The following SAPCD2 variants were observed in gnomAD, a reference collection of about 807,000 sequenced individuals.
SAPCD2 encodes the protein suppressor APC domain containing 2, also known as suppressor APC domain-containing protein 2.
Under a neutral mutation model 37.8 loss-of-function variants are expected in SAPCD2, and 34 were observed. That is an observed-to-expected ratio of 0.90 (90% CI 0.68 to 1.20). The LOEUF is 1.20. Among genes scored for constraint, SAPCD2 ranks in the 50% most tolerant of loss-of-function variants. The probability of loss-of-function intolerance (pLI) is 0.00; values close to 1 mark genes in which losing one functional copy is unlikely to be tolerated. For missense variants in SAPCD2, 572 were observed against 584.7 expected (o/e 0.98, Z 0.22); for synonymous variants, 275 against 270.3 (o/e 1.02, Z -0.17).
At position 137,063,901 on chromosome 9, in the gene SAPCD2, G is replaced by A. The variant is rs968746243; in HGVS notation, c.*758C>T. 3.3e-5 allele frequency: 5 copies of A among 152,856 alleles called. No homozygotes were observed. Among genetic ancestry groups the A allele is most frequent in the African/African-American group, 9.6e-5 (4 of 41,572 alleles). 9.5% of individuals were successfully genotyped at this position (152,856 alleles called of 1,614,324 possible). The stretch of plus-strand genomic sequence containing the variant: ...CCTATGACGTGCCTGGGAGCTGTCT[G>A]GGGGCCCTCCTGGGGAGCCAGGCTC... On this transcript the variant is annotated 3_prime_UTR_variant, in exon 6 of 6. Coordinates refer to ENST00000409687, the MANE Select transcript of SAPCD2 (RefSeq NM_178448.4).
At chr9:137,065,408 TG>T in intron 3 of SAPCD2, 113 bp downstream of exon 3, 1 of 1,299,132 alleles carries the variant, frequency 7.7e-7, no homozygotes, top group Non-Finnish European at 1.0e-6. Context: ...GCATCCTGGG[TG>T]GAATCGACAG....
At position 137,066,206 on chromosome 9, in the gene SAPCD2, G is replaced by A. The variant is rs550364664; in HGVS notation, c.684+56C>T. ...CTCAAGGCCCCCCTGCTCCCATCCC[G>A]GCCTCCAGCCTCCAGGCAAGATGGA... On this transcript the variant is annotated intron_variant, in intron 2 of 5. Transcript: ENST00000409687. 188 of 1,400,548 alleles carry A rather than the reference G, an allele frequency of 1.3e-4. No individual in the cohort carries two copies. The African/African-American group carries it at 1.6e-3, about 12-fold the overall frequency. The allele number at this position is 1,400,548 out of a possible 1,614,324, so 86.8% of individuals were successfully genotyped here.
At chr9:137,066,785 G>C (rs1221855026) in intron 1 of SAPCD2, among the ~76,000 whole-genome samples, 2 of 152,194 alleles carry the variant, frequency 1.3e-5, no homozygotes, top group South Asian at 4.1e-4. Context: ...TCTGCACGGG[G>C]TCCTGCAAGG....
At position 137,070,342 on chromosome 9, in the gene SAPCD2, TC is replaced by T; in HGVS notation, c.118del (p.Asp40ThrfsTer43). On this transcript the variant is annotated frameshift_variant, in exon 1 of 6. Coordinates refer to ENST00000409687, the MANE Select transcript of SAPCD2 (RefSeq NM_178448.4). LOFTEE classifies it high-confidence loss of function. The part of the protein sequence containing the change: ...QSLRTLFDIL[D>X]DRRRGCVHLR... ...GTGCACGCAGCCGCGCCGCCGGTCG[TC>T]CAGGATGTCGAACAGGGTGCGCAGG... 1 of 1,472,054 alleles carries T rather than the reference TC, an allele frequency of 6.8e-7. No individual in the cohort carries two copies. Among genetic ancestry groups the T allele is most frequent in the Non-Finnish European group, 9.0e-7 (1 of 1,113,848 alleles). 91.2% of individuals were successfully genotyped at this position (1,472,054 alleles called of 1,614,324 possible).
chr9:137,064,976 G>T lies in SAPCD2; in HGVS notation c.943C>A (p.Leu315Met). The change falls in exon 5 of 6, where the codon CTG becomes ATG. Residue 315 changes from leucine to methionine, a missense_variant. Transcript: ENST00000409687. ...LLAAACASRA[L>M]PPSSSGPPCP... ...GGGGGCCCGGAGGAGGACGGGGGCA[G>T]GGCCTGCGGGAGGGCAGGATTAGGC... 2 of 1,514,750 alleles carry T rather than the reference G, an allele frequency of 1.3e-6. No individual in the cohort carries two copies. The highest frequency in any genetic ancestry group is 1.8e-6 in the Non-Finnish European group (2 of 1,118,094). The allele number at this position is 1,514,750 out of a possible 1,614,324, so 93.8% of individuals were successfully genotyped here.
At chr9:137,067,706 G>A (rs1000077145) in intron 1 of SAPCD2, among the ~76,000 whole-genome samples, 5 of 145,920 alleles carry the variant, frequency 3.4e-5, no homozygotes, top group Non-Finnish European at 6.0e-5. Context: ...CCCAGGAGGC[G>A]GAGGTTGCAG....
At chr9:137,066,779 C>T (rs569749695) in intron 1 of SAPCD2, among the ~76,000 whole-genome samples, 1 of 152,300 alleles carries the variant, frequency 6.6e-6, no homozygotes, top group Non-Finnish European at 1.5e-5. Context: ...CTCCCATCTG[C>T]ACGGGGTCCT....
intron 1 of SAPCD2, among the ~76,000 whole-genome samples, chr9:137,067,001 T>C (rs1832555021): frequency 6.6e-6 from 1 of 152,054 alleles, no homozygotes; most frequent in Non-Finnish European, 1.5e-5. Context: ...TTCCTTTTTT[T>C]CTTGAGACGT....
chr9:137,065,433 G>A, intron 3 of SAPCD2, 89 bp downstream of exon 3: 1 of 1,429,840 alleles, frequency 7.0e-7, no homozygotes. Flanking sequence ...CTGTGTCCGG[G>A]AATAGGGGCA....
chr9:137,066,330 G>C lies in SAPCD2; in HGVS notation c.616C>G (p.Arg206Gly). 6.2e-7 allele frequency: 1 copy of C among 1,609,974 alleles called. No individual in the cohort carries two copies. The highest frequency in any genetic ancestry group is 1.1e-5 in the South Asian group (1 of 90,540). ...RALEADSGDA[R>G]RAPRARGERR... Reference sequence around the variant, plus strand: ...TCCCCTCGGGCACGGGGAGCCCGCCGGGCATCCCCTGAGTCCGCCTCCAGG... The same window carrying C: ...TCCCCTCGGGCACGGGGAGCCCGCCCGGCATCCCCTGAGTCCGCCTCCAGG... Residue 206 changes from arginine to glycine, a missense_variant, in exon 2 of 6, where the codon CGG (arginine) becomes GGG (glycine). Physicochemically the swap from Arg to Gly is moderately radical, Grantham distance 125. Transcript: ENST00000409687.
intron 1 of SAPCD2, 39 bp downstream of exon 1, chr9:137,069,847 CCGGG>C: frequency 8.3e-7 from 1 of 1,211,414 alleles, no homozygotes; most frequent in Non-Finnish European, 1.0e-6. Context: ...TGGCCCGGGC[CCGGG>C]AGAGCTACGA....
Position 137,070,366 on chromosome 9 carries a change from A to G in SAPCD2, c.95T>C (p.Leu32Pro). Residue 32 changes from leucine to proline, a missense_variant, in exon 1 of 6, where the codon CTG (leucine) becomes CCG (proline). Coordinates refer to ENST00000409687, the MANE Select transcript of SAPCD2 (RefSeq NM_178448.4). ...GTCCAGGATGTCGAACAGGGTGCGC[A>G]GGCTCTGCAGGAAGGCGCGCGGCAG... The part of the protein sequence containing the change: ...EGLPRAFLQS[L>P]RTLFDILDDR... 7.0e-7 allele frequency: 1 copy of G among 1,434,966 alleles called. No homozygotes were observed. Among genetic ancestry groups the G allele is most frequent in the Non-Finnish European group, 9.2e-7 (1 of 1,092,092 alleles). 88.9% of individuals were successfully genotyped at this position (1,434,966 alleles called of 1,614,324 possible).
In SAPCD2 at chr9:137,070,115, G is replaced by A; in HGVS notation, c.346C>T (p.Pro116Ser). 1 of 1,191,320 alleles carries A rather than the reference G, an allele frequency of 8.4e-7. No individual in the cohort carries two copies. The highest frequency in any genetic ancestry group is 1.0e-6 in the Non-Finnish European group (1 of 962,914). The allele number at this position is 1,191,320 out of a possible 1,614,324, so 73.8% of individuals were successfully genotyped here. ...TRAPARPGDQ[P>S]PPPPQRLVFA... ...ACCAGGCGCTGCGGCGGCGGCGGCGGCTGATCCCCGGGCCGGGCCGGGGCG... is the reference window on the plus strand; with the variant it reads ...ACCAGGCGCTGCGGCGGCGGCGGCGACTGATCCCCGGGCCGGGCCGGGGCG... The change falls in exon 1 of 6, where the codon CCG becomes TCG. Residue 116 changes from proline to serine, a missense_variant. Physicochemically the swap from Pro to Ser is moderately conservative, Grantham distance 74. Coordinates refer to ENST00000409687, the MANE Select transcript of SAPCD2 (RefSeq NM_178448.4).
chr9:137,066,821 C>T (rs773502216), intron 1 of SAPCD2, among the ~76,000 whole-genome samples: 1 of 152,122 alleles, frequency 6.6e-6, no homozygotes, highest in Non-Finnish European at 1.5e-5. Context: ...GTGTGAATGA[C>T]GGAAACCTAA....
At chr9:137,065,012 G>A in intron 4 of SAPCD2, 33 bp from the exon 5 acceptor site, 5 of 1,490,098 alleles carry the variant, frequency 3.4e-6, no homozygotes, top group Non-Finnish European at 4.5e-6. Flanking sequence ...AGGCCTGGAC[G>A]AGGGCGGGGA....
At position 137,065,147 on chromosome 9, in the gene SAPCD2, CCGCCCCAGTGGGCGG is replaced by C. The variant is rs1174848771; in HGVS notation, c.855_869del (p.Arg286_Arg290del). 1 of 1,518,878 alleles carries C rather than the reference CCGCCCCAGTGGGCGG, an allele frequency of 6.6e-7. No individual in the cohort carries two copies. Among genetic ancestry groups the C allele is most frequent in the African/African-American group, 1.4e-5 (1 of 72,164 alleles). The allele number at this position is 1,518,878 out of a possible 1,614,324, so 94.1% of individuals were successfully genotyped here. A position where few individuals can be genotyped will look rare whatever the true frequency, so the allele number is the denominator to read the frequency against. On this transcript the variant is annotated inframe_deletion, in exon 4 of 6. Transcript: ENST00000409687. Reference sequence around the variant, plus strand: ...CCACCTCTTGTACCTTGGGCAGTAGCCGCCCCAGTGGGCGGGGGCTCCCTGCAGCCCCAAAGTCCT... The same window carrying C: ...CCACCTCTTGTACCTTGGGCAGTAGCGGGCTCCCTGCAGCCCCAAAGTCCT...
In SAPCD2 at chr9:137,065,119, G is replaced by T; in HGVS notation, c.898C>A (p.Arg300=). 1 of 1,545,058 alleles carries T rather than the reference G, an allele frequency of 6.5e-7. No homozygotes were observed. ...GCAGCCAGCAGCTCCCCCAGGCACC[G>T]GGCCACCTCTTGTACCTTGGGCAGT... ...RLLPKVQEVA[R]CLGELLAAAC... Residue 300 remains arginine, a synonymous_variant, in exon 4 of 6, where the codon CGG becomes AGG. Transcript: ENST00000409687.
Position 137,066,309 on chromosome 9 carries a change from C to A in SAPCD2, c.637G>T (p.Gly213Trp). The A allele has an allele frequency of 6.2e-7, 1 of 1,610,054 alleles. No homozygotes were observed. Reference sequence around the variant, plus strand: ...GCGATGGTGTGCCTCCGACGTTCCCCTCGGGCACGGGGAGCCCGCCGGGCA... The same window carrying A: ...GCGATGGTGTGCCTCCGACGTTCCCATCGGGCACGGGGAGCCCGCCGGGCA... ...GDARRAPRAR[G>W]ERRRHTIASG... is the part of the protein sequence containing the mutation. Residue 213 changes from glycine to tryptophan, a missense_variant, in exon 2 of 6, where the codon GGG (glycine) becomes TGG (tryptophan). By Grantham distance (184) the Gly-to-Trp change is radical (BLOSUM62 -2). Transcript: ENST00000409687.
At position 137,062,192 on chromosome 9, in the gene SAPCD2, C is replaced by T. The variant is rs1339077097; in HGVS notation, c.*2467G>A. 1 of 152,196 alleles carries T rather than the reference C, an allele frequency of 6.6e-6. No homozygotes were observed. The highest frequency in any genetic ancestry group is 1.5e-5 in the Non-Finnish European group (1 of 68,034). The allele number at this position is 152,196 out of a possible 1,614,324, so 9.4% of individuals were successfully genotyped here. ...AAAACACTGTTACTTTATATTCTCT[C>T]TGATAATTCTAGTATCTGGGTCTAG... On this transcript the variant is annotated 3_prime_UTR_variant, in exon 6 of 6. Coordinates refer to ENST00000409687, the MANE Select transcript of SAPCD2 (RefSeq NM_178448.4).
Sources: gnomAD v4.1 joint callset for allele counts (sites outside exome capture counted in the v4.1 genomes callset) on GRCh38, gnomAD v4.1.1 for gene constraint, MANE v1.5 for transcripts, NCBI Gene and HGNC (gene_info 2026-07-23, HGNC 2026-07-21) for gene names.